The following DIAPH2 variants were observed in gnomAD, a reference collection of about 807,000 sequenced individuals.
DIAPH2 encodes the protein diaphanous related formin 2, also known as protein diaphanous homolog 2.
In DIAPH2, 35 loss-of-function variants were observed where a neutral mutation model predicts 92.7. The ratio of observed to expected loss-of-function variants is 0.38; its 90% CI spans 0.29 to 0.50. The LOEUF is 0.50. DIAPH2 is among the 20% of genes least tolerant of loss of function. The pLI is 0.94. For missense variants in DIAPH2, 701 were observed against 819.5 expected (o/e 0.86, Z 1.77); for synonymous variants, 301 against 280.4 (o/e 1.07, Z -0.73).
At chrX:97,508,751 C>A (rs767651622) in intron 26 of DIAPH2, among the ~76,000 whole-genome samples, 1 of 111,792 alleles carries the variant, frequency 8.9e-6, no homozygotes, top group African/African-American at 3.2e-5. Context: ...ACAGAGCTTT[C>A]CTTTGAAGGA....
At chrX:97,099,147 T>C (rs915944656) in intron 19 of DIAPH2, among the ~76,000 whole-genome samples, 1 of 111,438 alleles carries the variant, frequency 9.0e-6, no homozygotes, top group African/African-American at 3.3e-5. Flanking sequence ...CTAATTATTG[T>C]GACTGGAAAT....
At chrX:97,369,434 CATTGCCCTTACCAGCAAT>C (rs991296457) in intron 24 of DIAPH2, among the ~76,000 whole-genome samples, 1 of 57,672 alleles carries the variant, frequency 1.7e-5, no homozygotes, top group Non-Finnish European at 5.2e-5. Flanking sequence ...TCTATAACTT[CATTGCCCTTACCAGCAAT>C]ATTACCTAGT....
intron 26 of DIAPH2, chrX:97,469,558 T>G: frequency 2.1e-6 from 1 of 483,234 alleles, no homozygotes; most frequent in Non-Finnish European, 3.2e-6. Context: ...TCATTTTAAG[T>G]TACAGTAGCA....
intron 24 of DIAPH2, among the ~76,000 whole-genome samples, chrX:97,372,774 C>T (rs1280966807): frequency 1.8e-5 from 2 of 110,880 alleles, no homozygotes; most frequent in African/African-American, 6.6e-5. Flanking sequence ...AGTTCGAGAC[C>T]AGTCTGACCA....
At chrX:97,314,935 C>T (rs1260174572) in intron 23 of DIAPH2, among the ~76,000 whole-genome samples, 2 of 111,420 alleles carry the variant, frequency 1.8e-5, no homozygotes, top group Non-Finnish European at 3.8e-5. Context: ...AGAATTGATC[C>T]ACATGTTTAA....
At chrX:97,274,372 G>A (rs1206498067) in intron 23 of DIAPH2, among the ~76,000 whole-genome samples, 1 of 108,919 alleles carries the variant, frequency 9.2e-6, no homozygotes, top group Admixed American at 9.9e-5. Context: ...GCCTGGCATG[G>A]TGGCACGTGC....
intron 17 of DIAPH2, among the ~76,000 whole-genome samples, chrX:97,005,357 G>A (rs1317446842): frequency 1.0e-5 from 1 of 98,028 alleles, no homozygotes; most frequent in African/African-American, 4.0e-5. Flanking sequence ...TGAATATTTT[G>A]AGTATGATTG....
chrX:96,932,339 A>ATACT (rs2065624687), intron 10 of DIAPH2, among the ~76,000 whole-genome samples: 1 of 111,078 alleles, frequency 9.0e-6, no homozygotes, highest in Non-Finnish European at 1.9e-5. Context: ...TTTCTGCTTT[A>ATACT]TACTACTGAA....
intron 4 of DIAPH2, among the ~76,000 whole-genome samples, chrX:96,768,193 T>G (rs910996499): frequency 2.7e-5 from 3 of 112,490 alleles, no homozygotes; most frequent in Non-Finnish European, 3.8e-5. Context: ...AAAGTAAGAA[T>G]TGATATGATT....
intron 26 of DIAPH2, among the ~76,000 whole-genome samples, chrX:97,476,136 A>G (rs1036103999): frequency 8.9e-6 from 1 of 112,357 alleles, no homozygotes; most frequent in African/African-American, 3.2e-5. Flanking sequence ...CTATTTAAAG[A>G]TCAGTCACAT....
intron 4 of DIAPH2, among the ~76,000 whole-genome samples, chrX:96,849,655 A>C (rs1001047572): frequency 8.9e-6 from 1 of 112,202 alleles, no homozygotes; most frequent in Non-Finnish European, 1.9e-5. Context: ...GGAAATGTAT[A>C]AAATGACTCC....
At chrX:96,720,411 C>T (rs771456844) in intron 1 of DIAPH2, among the ~76,000 whole-genome samples, 8 of 111,509 alleles carry the variant, frequency 7.2e-5, no homozygotes, top group African/African-American at 2.6e-4. Context: ...TACTTACACT[C>T]GAAGAGATTG....
chrX:96,923,932 A>C (rs917144010), intron 9 of DIAPH2, among the ~76,000 whole-genome samples: 2 of 111,951 alleles, frequency 1.8e-5, no homozygotes, highest in Non-Finnish European at 3.8e-5. Context: ...AATTCATTTC[A>C]GAGAGTGTCC....
chrX:97,138,092 T>C (rs780850863), intron 21 of DIAPH2, among the ~76,000 whole-genome samples: 3 of 111,840 alleles, frequency 2.7e-5, no homozygotes, highest in African/African-American at 9.7e-5. Flanking sequence ...GAAGGGGTCC[T>C]TCACAGAAAG....
intron 26 of DIAPH2, among the ~76,000 whole-genome samples, chrX:97,559,383 G>A (rs775242229): frequency 1.3e-4 from 14 of 109,712 alleles, no homozygotes; most frequent in African/African-American, 4.7e-4. Flanking sequence ...CCAGCTACTC[G>A]GGAGGCTGAG....
At chrX:97,077,942 G>A (rs2066716160) in intron 19 of DIAPH2, among the ~76,000 whole-genome samples, 4 of 111,449 alleles carry the variant, frequency 3.6e-5, no homozygotes, top group Non-Finnish European at 5.7e-5. Flanking sequence ...CAAATAATGT[G>A]TACTAAATTT....
chrX:97,223,816 A>G (rs1010783845), intron 22 of DIAPH2, among the ~76,000 whole-genome samples: 2 of 111,935 alleles, frequency 1.8e-5, no homozygotes, highest in African/African-American at 3.2e-5. Context: ...GAATCTTTGT[A>G]TTAGCAATTC....
intron 23 of DIAPH2, among the ~76,000 whole-genome samples, chrX:97,272,348 C>T (rs2068396348): frequency 8.9e-6 from 1 of 111,902 alleles, no homozygotes; most frequent in African/African-American, 3.3e-5. Context: ...TTTCTGCTGT[C>T]TCATCTGGCA....
At chrX:97,541,099 T>C (rs774889593) in intron 26 of DIAPH2, among the ~76,000 whole-genome samples, 1 of 111,538 alleles carries the variant, frequency 9.0e-6, no homozygotes, top group South Asian at 3.8e-4. Flanking sequence ...CACCCATGCC[T>C]CATGGATAAC....
Sources: gnomAD v4.1 joint callset for allele counts (sites outside exome capture counted in the v4.1 genomes callset) on GRCh38, gnomAD v4.1.1 for gene constraint, MANE v1.5 for transcripts, NCBI Gene and HGNC (gene_info 2026-07-23, HGNC 2026-07-21) for gene names.